Variants in UST observed in about 807,000 individuals in gnomAD.
UST encodes the protein uronyl 2-sulfotransferase.
A neutral mutation model predicts 45.6 loss-of-function variants in UST; 21 were observed. The ratio of observed to expected loss-of-function variants is 0.46; its 90% confidence interval spans 0.33 to 0.66. UST has a LOEUF of 0.66. Among genes scored for constraint, UST ranks in the 30% least tolerant of loss-of-function variants. UST has a pLI of 0.02. For missense variants in UST, 463 were observed against 512.4 expected (o/e 0.90, Z 0.93); for synonymous variants, 215 against 200.6 (o/e 1.07, Z -0.61).
At chr6:148,967,826 C>G (rs1780832956) in intron 5 of UST, among the ~76,000 whole-genome samples, 1 of 152,236 alleles carries the variant, frequency 6.6e-6, no homozygotes, top group Admixed American at 6.5e-5. Flanking sequence ...CAGTTCTGCC[C>G]CTGGCCCTGA....
intron 1 of UST, among the ~76,000 whole-genome samples, chr6:148,808,238 C>G (rs1207452739): frequency 6.6e-6 from 1 of 152,194 alleles, no homozygotes; most frequent in Non-Finnish European, 1.5e-5. Context: ...CTCTTGGGGA[C>G]ATTCGCTTTT....
intron 2 of UST, among the ~76,000 whole-genome samples, chr6:148,933,664 C>G (rs753005504): frequency 8.5e-5 from 13 of 152,066 alleles, no homozygotes; most frequent in Non-Finnish European, 1.9e-4. Context: ...AGACTGGGAG[C>G]AGAAGAGATG....
intron 6 of UST, 91 bp from the exon 7 acceptor site, chr6:149,021,233 A>C: frequency 7.3e-7 from 1 of 1,367,566 alleles, no homozygotes. Context: ...TATGCAAGTG[A>C]AGGTGGGAGG....
chr6:148,956,326 G>A (rs1190609612), intron 4 of UST, among the ~76,000 whole-genome samples: 1 of 152,158 alleles, frequency 6.6e-6, no homozygotes, highest in Non-Finnish European at 1.5e-5. Flanking sequence ...CGTGGCTGGG[G>A]AGGCCTCAGA....
chr6:148,947,095 A>T (rs1047854172), intron 3 of UST, among the ~76,000 whole-genome samples: 12 of 152,106 alleles, frequency 7.9e-5, no homozygotes, highest in African/African-American at 2.9e-4. Context: ...TGGGAGAATA[A>T]GACTTGAAAG....
chr6:148,815,212 C>T (rs147388906), intron 1 of UST, among the ~76,000 whole-genome samples: 2 of 152,226 alleles, frequency 1.3e-5, no homozygotes, highest in African/African-American at 4.8e-5. Context: ...GGAGAATATG[C>T]TTGTTTGCTT....
chr6:148,866,386 C>T (rs527369875), intron 1 of UST, among the ~76,000 whole-genome samples: 7 of 152,198 alleles, frequency 4.6e-5, no homozygotes, highest in Middle Eastern at 3.4e-3. Flanking sequence ...CTGTGGAAAC[C>T]GGCTCTTCCA....
chr6:148,871,878 G>A (rs144214868), intron 1 of UST, among the ~76,000 whole-genome samples: 229 of 152,328 alleles, frequency 1.5e-3, no homozygotes, highest in African/African-American at 5.2e-3. Context: ...AGGTTGTCAT[G>A]CTGTGGAGTG....
chr6:148,907,785 T>A (rs1779392634), intron 2 of UST, among the ~76,000 whole-genome samples: 1 of 152,190 alleles, frequency 6.6e-6, no homozygotes, highest in Admixed American at 6.5e-5. Flanking sequence ...TGACCTAATT[T>A]AAATTCCCCA....
chr6:148,791,608 T>C (rs9322153), intron 1 of UST, among the ~76,000 whole-genome samples: 3,225 of 152,302 alleles, frequency 0.021, 118 homozygotes, highest in African/African-American at 0.073. Context: ...CTAAGCACTG[T>C]GAGAAGCACA....
At chr6:148,860,279 T>G (rs539891308) in intron 1 of UST, among the ~76,000 whole-genome samples, 5 of 152,250 alleles carry the variant, frequency 3.3e-5, no homozygotes, top group Non-Finnish European at 4.4e-5. Flanking sequence ...AGTTCACTCA[T>G]GATTTGGCTC....
At chr6:149,000,311 T>C (rs934100541) in intron 5 of UST, among the ~76,000 whole-genome samples, 1 of 152,228 alleles carries the variant, frequency 6.6e-6, no homozygotes, top group Non-Finnish European at 1.5e-5. Context: ...TATTTGCTCC[T>C]TTGTAAGCAA....
At chr6:149,011,785 C>T (rs1775816292) in intron 5 of UST, among the ~76,000 whole-genome samples, 1 of 152,212 alleles carries the variant, frequency 6.6e-6, no homozygotes, top group Non-Finnish European at 1.5e-5. Flanking sequence ...GCACTCCAGC[C>T]TGGGCGACAG....
At chr6:148,985,779 C>T (rs6940223) in intron 5 of UST, among the ~76,000 whole-genome samples, 24,955 of 152,094 alleles carry the variant, frequency 0.16, 2,487 homozygotes, top group East Asian at 0.42. Context: ...ACCTAAAGCG[C>T]AAGGAGATTC....
chr6:148,786,733 T>C (rs1776741576), intron 1 of UST, among the ~76,000 whole-genome samples: 1 of 152,244 alleles, frequency 6.6e-6, no homozygotes, highest in Admixed American at 6.5e-5. Context: ...GAACTACTTA[T>C]ACTCCTTTGG....
At chr6:148,767,751 A>C (rs1481944587) in intron 1 of UST, among the ~76,000 whole-genome samples, 1 of 152,342 alleles carries the variant, frequency 6.6e-6, no homozygotes. Context: ...CACAAAGAAA[A>C]TAAAACACAC....
intron 1 of UST, among the ~76,000 whole-genome samples, chr6:148,765,057 A>G (rs1776296810): frequency 6.6e-6 from 1 of 152,208 alleles, no homozygotes; most frequent in African/African-American, 2.4e-5. Flanking sequence ...GAAAGAATTT[A>G]GCGGTATTTC....
chr6:148,904,201 C>T (rs550996957), intron 2 of UST, among the ~76,000 whole-genome samples: 6 of 152,116 alleles, frequency 3.9e-5, no homozygotes, highest in African/African-American at 1.2e-4. Flanking sequence ...ATCTTAAATA[C>T]GATATATCAA....
intron 1 of UST, among the ~76,000 whole-genome samples, chr6:148,754,288 G>A (rs780623280): frequency 7.9e-5 from 12 of 152,214 alleles, no homozygotes; most frequent in South Asian, 2.1e-4. Context: ...GAGCCACCGC[G>A]CCCGGCCACT....
Sources: allele counts gnomAD v4.1 joint callset (sites outside exome capture counted in the v4.1 genomes callset), GRCh38; gene constraint gnomAD v4.1.1; transcripts MANE v1.5; gene names NCBI Gene and HGNC (gene_info 2026-07-23, HGNC 2026-07-21).